The following KCTD16 variants were observed in gnomAD, a reference collection of about 807,000 sequenced individuals.
KCTD16 encodes the protein BTB/POZ domain-containing protein KCTD16.
Under a neutral mutation model 33.2 loss-of-function variants are expected in KCTD16, and 13 were observed. The ratio of observed to expected loss-of-function variants is 0.39; its 90% confidence interval spans 0.25 to 0.62. The LOEUF (loss-of-function observed/expected upper bound fraction) is 0.62. Ranked by LOEUF, KCTD16 falls within the 20% of genes least tolerant of loss-of-function variation. The pLI, the probability that KCTD16 is intolerant of heterozygous loss-of-function variation, is 0.50. For missense variants in KCTD16, 441 were observed against 525.1 expected (o/e 0.84, Z 1.57); for synonymous variants, 197 against 195.3 (o/e 1.01, Z -0.07).
intron 3 of KCTD16, among the ~76,000 whole-genome samples, chr5:144,334,820 G>A (rs554776511): frequency 9.2e-5 from 14 of 151,984 alleles, no homozygotes; most frequent in East Asian, 7.7e-4. Context: ...TCTGTCACCC[G>A]GGTTGGAGTG....
chr5:144,276,225 G>GT (rs1006744788), intron 3 of KCTD16, among the ~76,000 whole-genome samples: 3 of 151,954 alleles, frequency 2.0e-5, no homozygotes, highest in Non-Finnish European at 2.9e-5. Context: ...AGAATTGTGT[G>GT]TTTTTTTGTA....
intron 3 of KCTD16, among the ~76,000 whole-genome samples, chr5:144,315,011 C>A (rs1008576520): frequency 2.6e-5 from 4 of 152,128 alleles, no homozygotes; most frequent in Non-Finnish European, 5.9e-5. Context: ...GTCTTTGTGG[C>A]TAAGAGACAG....
chr5:144,477,414 T>C lies in KCTD16; in HGVS notation c.*3300T>C, dbSNP rs1443425430. 1 of 152,136 alleles carries C rather than the reference T, an allele frequency of 6.6e-6. No homozygotes were observed. Among genetic ancestry groups the C allele is most frequent in the Non-Finnish European group, 1.5e-5 (1 of 68,002 alleles). The allele number at this position is 152,136 out of a possible 1,614,324, so 9.4% of individuals were successfully genotyped here. A position where few individuals can be genotyped will look rare whatever the true frequency, so the allele number is the denominator to read the frequency against. On this transcript the variant is annotated 3_prime_UTR_variant, in exon 4 of 4. Transcript: ENST00000512467. Reference sequence around the variant, plus strand: ...GTTCCCTTTGCTCTTTATTCCTTTATAGTTGTATCTATTCCAACCAATTCA... The same window carrying C: ...GTTCCCTTTGCTCTTTATTCCTTTACAGTTGTATCTATTCCAACCAATTCA...
intron 3 of KCTD16, among the ~76,000 whole-genome samples, chr5:144,225,583 TG>T (rs1157610358): frequency 1.3e-5 from 2 of 151,876 alleles, no homozygotes; most frequent in Admixed American, 6.6e-5. Context: ...TGTGTGTGTG[TG>T]TGTGTGTGTG....
At chr5:144,448,945 C>G (rs1382746015) in intron 3 of KCTD16, among the ~76,000 whole-genome samples, 1 of 151,982 alleles carries the variant, frequency 6.6e-6, no homozygotes, top group Non-Finnish European at 1.5e-5. Flanking sequence ...ATCATAGATT[C>G]ATCTTCACAG....
chr5:144,429,493 A>G (rs1304171958), intron 3 of KCTD16, among the ~76,000 whole-genome samples: 2 of 152,046 alleles, frequency 1.3e-5, no homozygotes, highest in African/African-American at 4.8e-5. Context: ...TGAGAGCTCA[A>G]TTTAAGGTAT....
chr5:144,420,023 T>A (rs929202256), intron 3 of KCTD16, among the ~76,000 whole-genome samples: 1 of 152,176 alleles, frequency 6.6e-6, no homozygotes, highest in African/African-American at 2.4e-5. Flanking sequence ...ATTCATTTAT[T>A]TATGTATTTA....
chr5:144,194,700 T>G (rs756763079), intron 2 of KCTD16, among the ~76,000 whole-genome samples: 17 of 152,206 alleles, frequency 1.1e-4, no homozygotes, highest in Non-Finnish European at 8.8e-5. Context: ...TTACCCCTGT[T>G]GTACAGATGA....
chr5:144,245,412 C>T (rs1754523246), intron 3 of KCTD16, among the ~76,000 whole-genome samples: 1 of 152,134 alleles, frequency 6.6e-6, no homozygotes, highest in South Asian at 2.1e-4. Flanking sequence ...TAGGAGTTAA[C>T]AAGACACATG....
At chr5:144,326,868 G>C (rs1479080519) in intron 3 of KCTD16, among the ~76,000 whole-genome samples, 1 of 152,116 alleles carries the variant, frequency 6.6e-6, no homozygotes, top group Non-Finnish European at 1.5e-5. Context: ...TGTTGTATTT[G>C]TAATTAAAAG....
In KCTD16 at chr5:144,436,059, C is replaced by T. The variant is rs563151802; in HGVS notation, c.833-37601C>T. Among the ~76,000 whole-genome samples, 106 of 152,242 alleles carry T rather than the reference C, an allele frequency of 7.0e-4. 1 individual carries two copies. The highest frequency in any genetic ancestry group is 2.4e-3 in the African/African-American group (101 of 41,560). Reference sequence around the variant, plus strand: ...GCTTGTAGGAGCATATTTATAGAGCCGCTCTTTCTAGTTCCCTGTGGGAAC... The same window carrying T: ...GCTTGTAGGAGCATATTTATAGAGCTGCTCTTTCTAGTTCCCTGTGGGAAC... On this transcript the variant is annotated intron_variant, in intron 3 of 3. Transcript: ENST00000512467.
intron 3 of KCTD16, among the ~76,000 whole-genome samples, chr5:144,240,546 T>C (rs1183404386): frequency 1.3e-5 from 2 of 152,172 alleles, no homozygotes; most frequent in Non-Finnish European, 2.9e-5. Flanking sequence ...TAAATCTCAG[T>C]ATAATACATT....
intron 3 of KCTD16, among the ~76,000 whole-genome samples, chr5:144,397,156 G>C (rs902737819): frequency 1.4e-5 from 2 of 140,974 alleles, no homozygotes; most frequent in African/African-American, 2.7e-5. Context: ...TCCCACCTAT[G>C]AGTGAGAAAA....
chr5:144,184,498 C>T (rs1022484148), intron 2 of KCTD16, among the ~76,000 whole-genome samples: 1 of 151,994 alleles, frequency 6.6e-6, no homozygotes, highest in East Asian at 1.9e-4. Context: ...CACTTGAGAC[C>T]CTGATTTCAA....
intron 3 of KCTD16, among the ~76,000 whole-genome samples, chr5:144,378,915 T>C (rs561038502): frequency 2.4e-4 from 36 of 152,310 alleles, no homozygotes; most frequent in African/African-American, 8.7e-4. Flanking sequence ...ACATTCGTCA[T>C]AGGAGAAAAT....
intron 3 of KCTD16, among the ~76,000 whole-genome samples, chr5:144,255,212 A>G (rs2126834760): frequency 6.6e-6 from 1 of 152,258 alleles, no homozygotes; most frequent in Middle Eastern, 3.4e-3. Flanking sequence ...TTCTTTATGC[A>G]TTTTTCTGTC....
chr5:144,394,681 T>A (rs1752526075), intron 3 of KCTD16, among the ~76,000 whole-genome samples: 1 of 152,160 alleles, frequency 6.6e-6, no homozygotes, highest in Non-Finnish European at 1.5e-5. Flanking sequence ...AGTGAGTGAG[T>A]CCTCACGAGA....
intron 3 of KCTD16, among the ~76,000 whole-genome samples, chr5:144,408,535 A>G (rs1352664209): frequency 6.6e-6 from 1 of 152,218 alleles, no homozygotes; most frequent in Non-Finnish European, 1.5e-5. Flanking sequence ...CATTTGTTAC[A>G]TTAATTCCCC....
intron 3 of KCTD16, among the ~76,000 whole-genome samples, chr5:144,450,611 C>T (rs1165004235): frequency 1.3e-5 from 2 of 152,042 alleles, no homozygotes; most frequent in African/African-American, 4.8e-5. Flanking sequence ...AAACAATATT[C>T]ACCCTTTTAA....
Sources: allele counts gnomAD v4.1 joint callset (sites outside exome capture counted in the v4.1 genomes callset), GRCh38; gene constraint gnomAD v4.1.1; transcripts MANE v1.5; gene names NCBI Gene and HGNC (gene_info 2026-07-23, HGNC 2026-07-21).